The following MARCHF1 variants were observed in gnomAD, a reference collection of about 807,000 sequenced individuals.
MARCHF1 encodes E3 ubiquitin-protein ligase MARCHF1.
A neutral mutation model predicts 54.2 loss-of-function variants in MARCHF1; 40 were observed. The observed-to-expected ratio is 0.74, with a 90% CI of 0.57 to 0.96. The LOEUF (loss-of-function observed/expected upper bound fraction) is 0.96, where lower values mean the gene tolerates loss of function less well. Ranked by LOEUF, MARCHF1 falls within the 40% of genes least tolerant of loss-of-function variation. The pLI is 0.00. For missense variants in MARCHF1, 586 were observed against 656.5 expected (o/e 0.89, Z 1.17); for synonymous variants, 236 against 236.3 (o/e 1.00, Z 0.01).
intron 1 of MARCHF1, among the ~76,000 whole-genome samples, chr4:164,169,803 T>C (rs1350683244): frequency 1.3e-5 from 2 of 152,084 alleles, no homozygotes; most frequent in South Asian, 2.1e-4. Context: ...TGACCTTTCA[T>C]GGTTAACATC....
chr4:164,078,082 G>A (rs766402348), intron 2 of MARCHF1, among the ~76,000 whole-genome samples: 64 of 152,264 alleles, frequency 4.2e-4, no homozygotes, highest in Non-Finnish European at 8.4e-4. Flanking sequence ...ACATGCACAC[G>A]TATGTTTATT....
At chr4:164,247,566 C>T (rs1732988709) in intron 1 of MARCHF1, among the ~76,000 whole-genome samples, 4 of 141,636 alleles carry the variant, frequency 2.8e-5, no homozygotes, top group African/African-American at 8.0e-5. Context: ...ATGTAACTAA[C>T]ATGCACAATG....
chr4:163,969,230 C>A (rs537567409), intron 3 of MARCHF1, among the ~76,000 whole-genome samples: 2 of 152,180 alleles, frequency 1.3e-5, no homozygotes, highest in Non-Finnish European at 2.9e-5. Flanking sequence ...ACTCTATTTG[C>A]ATTTTCATAT....
At chr4:164,280,055 C>A (rs937822932) in intron 1 of MARCHF1, among the ~76,000 whole-genome samples, 1 of 151,536 alleles carries the variant, frequency 6.6e-6, no homozygotes, top group African/African-American at 2.4e-5. Flanking sequence ...CAATATGTGG[C>A]AAGAGCATAT....
intron 3 of MARCHF1, among the ~76,000 whole-genome samples, chr4:163,911,608 G>A (rs186818704): frequency 2.6e-4 from 39 of 152,224 alleles, no homozygotes; most frequent in African/African-American, 8.9e-4. Context: ...GCTGAATCGT[G>A]TCACTCCAAA....
chr4:163,764,056 T>A (rs867411787), intron 4 of MARCHF1, among the ~76,000 whole-genome samples: 1 of 152,056 alleles, frequency 6.6e-6, no homozygotes, highest in Non-Finnish European at 1.5e-5. Flanking sequence ...AAACCTTCTC[T>A]TTTGCCACAA....
chr4:164,112,368 A>G (rs1249087234), intron 1 of MARCHF1, among the ~76,000 whole-genome samples: 2 of 151,958 alleles, frequency 1.3e-5, no homozygotes, highest in African/African-American at 2.4e-5. Flanking sequence ...AGGGCTAAGG[A>G]TACAATTGTG....
intron 1 of MARCHF1, among the ~76,000 whole-genome samples, chr4:164,117,240 A>G (rs1207522380): frequency 1.3e-5 from 2 of 152,100 alleles, no homozygotes; most frequent in Non-Finnish European, 2.9e-5. Flanking sequence ...CCTGGGTGAT[A>G]GAGTGATATG....
In MARCHF1 at chr4:163,755,838, A is replaced by G. The variant is rs184228358; in HGVS notation, c.112-54975T>C. 2.5e-3 allele frequency among the ~76,000 whole-genome samples: 374 copies of G among 152,324 alleles called. 4 individuals carry two copies. Among genetic ancestry groups the G allele is most frequent in the African/African-American group, 8.6e-3 (356 of 41,574 alleles). On this transcript the variant is annotated intron_variant, in intron 4 of 9. Transcript: ENST00000514618. ...AGAGATCCCCTGGAACATATAGACAACTATGTAAAGGTGTACATGAACTTT... is the reference window on the plus strand; with the variant it reads ...AGAGATCCCCTGGAACATATAGACAGCTATGTAAAGGTGTACATGAACTTT...
chr4:163,586,052 C>T, intron 7 of MARCHF1, 123 bp from the exon 8 acceptor site: 1 of 726,296 alleles, frequency 1.4e-6, no homozygotes, highest in Non-Finnish European at 2.1e-6. Context: ...AACACATGGA[C>T]ATTTTACTCC....
intron 2 of MARCHF1, among the ~76,000 whole-genome samples, chr4:164,001,416 G>A (rs570563522): frequency 6.6e-6 from 1 of 151,876 alleles, no homozygotes; most frequent in South Asian, 2.1e-4. Context: ...AATAGCACAG[G>A]AAAGGAAGCA....
chr4:164,009,434 G>A (rs1024194905), intron 2 of MARCHF1, among the ~76,000 whole-genome samples: 1 of 152,052 alleles, frequency 6.6e-6, no homozygotes, highest in African/African-American at 2.4e-5. Flanking sequence ...ATACTTCTAA[G>A]CTCGTCTCAC....
At chr4:163,899,680 A>T (rs1385984708) in intron 3 of MARCHF1, among the ~76,000 whole-genome samples, 1 of 151,630 alleles carries the variant, frequency 6.6e-6, no homozygotes, top group Non-Finnish European at 1.5e-5. Context: ...TATATTTACT[A>T]TTGTATCTTG....
intron 1 of MARCHF1, among the ~76,000 whole-genome samples, chr4:164,379,028 T>G (rs1436814921): frequency 6.6e-6 from 1 of 152,158 alleles, no homozygotes; most frequent in East Asian, 1.9e-4. Flanking sequence ...TTTATAATTT[T>G]TATATACAAT....
intron 1 of MARCHF1, among the ~76,000 whole-genome samples, chr4:164,125,911 C>T (rs1333533267): frequency 2.6e-5 from 4 of 152,200 alleles, no homozygotes; most frequent in Non-Finnish European, 4.4e-5. Flanking sequence ...CATCCCAAAA[C>T]CATCCCTGCC....
intron 3 of MARCHF1, among the ~76,000 whole-genome samples, chr4:163,975,678 T>C (rs1752636301): frequency 6.6e-6 from 1 of 152,206 alleles, no homozygotes; most frequent in African/African-American, 2.4e-5. Context: ...TTATAAACCC[T>C]TTCAAAGAAA....
intron 3 of MARCHF1, among the ~76,000 whole-genome samples, chr4:163,939,189 A>G (rs993979641): frequency 6.6e-6 from 1 of 152,198 alleles, no homozygotes; most frequent in African/African-American, 2.4e-5. Context: ...GCACAGCTCC[A>G]GGCACGGTTG....
chr4:163,637,316 A>T (rs1482994644), intron 5 of MARCHF1, among the ~76,000 whole-genome samples: 1 of 152,154 alleles, frequency 6.6e-6, no homozygotes, highest in African/African-American at 2.4e-5. Flanking sequence ...GGCAAGCTAC[A>T]AAATGGGAGA....
At chr4:163,613,122 G>T in intron 6 of MARCHF1, 84 bp from the exon 7 acceptor site, 1 of 1,306,140 alleles carries the variant, frequency 7.7e-7, no homozygotes, top group South Asian at 1.6e-5. Flanking sequence ...TGATGAAAAT[G>T]ACAGCATGGA....
Sources: gnomAD v4.1 joint callset for allele counts (sites outside exome capture counted in the v4.1 genomes callset) on GRCh38, gnomAD v4.1.1 for gene constraint, MANE v1.5 for transcripts, NCBI Gene and HGNC (gene_info 2026-07-23, HGNC 2026-07-21) for gene names.